HTR3D: variants seen among roughly 807,000 people sequenced by gnomAD.
The protein encoded by HTR3D is 5-hydroxytryptamine receptor 3D, also known as 5-hydroxytryptamine (serotonin) receptor 3 family member D.
A neutral mutation model predicts 45.8 loss-of-function variants in HTR3D; 47 were observed. The ratio of observed to expected loss-of-function variants is 1.03; its 90% confidence interval spans 0.81 to 1.31. The LOEUF (loss-of-function observed/expected upper bound fraction) is 1.31, where lower values mean the gene tolerates loss of function less well. Ranked by LOEUF, HTR3D falls within the 50% of genes most tolerant of loss-of-function variation. The pLI is 0.00. For synonymous variants in HTR3D, 203 were observed against 199.8 expected, an observed-to-expected ratio of 1.02 and a Z score of -0.13; for missense variants, 448 against 506.9, an observed-to-expected ratio of 0.88 and a Z score of 1.12.
At chr3:184,036,218 C>A in intron 3 of HTR3D, 118 bp downstream of exon 3, 1 of 1,482,522 alleles carries the variant, frequency 6.7e-7, no homozygotes. Flanking sequence ...AATTGAAGAG[C>A]TTACAAACCC....
At chr3:184,034,123 A>T (rs1722819862) in intron 1 of HTR3D, among the ~76,000 whole-genome samples, 1 of 151,974 alleles carries the variant, frequency 6.6e-6, no homozygotes, top group African/African-American at 2.4e-5. Flanking sequence ...TACCCGAAAA[A>T]AGTGAAAACG....
chr3:184,034,995 C>T (rs1033918107), intron 1 of HTR3D, 183 bp from the exon 2 acceptor site: 1 of 1,366,896 alleles, frequency 7.3e-7, no homozygotes, highest in African/African-American at 1.5e-5. Flanking sequence ...GACCTTCATA[C>T]TGTGTTTTTC....
intron 1 of HTR3D, 23 bp from the exon 2 acceptor site, chr3:184,035,155 C>T (rs1722850353): frequency 1.3e-6 from 2 of 1,551,690 alleles, no homozygotes; most frequent in African/African-American, 2.7e-5. Context: ...AGTTAATCAT[C>T]TAGATGAAAG....
At position 184,038,698 on chromosome 3, in the gene HTR3D, C is replaced by T; in HGVS notation, c.986-48C>T. ...TGCCTCCTTCCCTGTCTCCCTCCCT[C>T]CACAGGTGACATTTGCAGCCCATGG... is the stretch of plus-strand genomic sequence containing the variant. On this transcript the variant is annotated intron_variant, in intron 7 of 7. Transcript: ENST00000428798. The surrounding 1 kb of genome is among the most constrained non-coding windows in gnomAD (Gnocchi z 4.5). 6.4e-7 allele frequency: 1 copy of T among 1,560,242 alleles called. No homozygotes were observed.
At chr3:184,035,788 C>T (rs1248838823) in intron 2 of HTR3D, among the ~76,000 whole-genome samples, 4 of 151,874 alleles carry the variant, frequency 2.6e-5, no homozygotes, top group East Asian at 3.9e-4. Context: ...TGGGTTCAAG[C>T]GATTTTCCTG....
At chr3:184,031,928 T>TG in intron 1 of HTR3D, 121 bp downstream of exon 1, 1 of 695,628 alleles carries the variant, frequency 1.4e-6, no homozygotes, top group South Asian at 1.6e-5. Context: ...GTAAAAATGA[T>TG]GCTCGTGACA....
At chr3:184,032,728 C>A in intron 1 of HTR3D, 1 of 813,556 alleles carries the variant, frequency 1.2e-6, no homozygotes, top group South Asian at 1.7e-5. Context: ...TGACTCAGCT[C>A]ACCTCATCAG....
rs765165056 is a variant in HTR3D, at chr3:184,038,942, C to T, written c.1182C>T (p.Ser394=). 1.5e-5 allele frequency: 24 copies of T among 1,614,162 alleles called. No individual in the cohort carries two copies. The Middle Eastern group carries it at 6.6e-4, about 44-fold the overall frequency. The change falls in exon 8 of 8, where the codon TCC becomes TCT. Residue 394 remains serine, a synonymous_variant. Coordinates refer to ENST00000428798, the MANE Select transcript of HTR3D (RefSeq NM_001145143.1). This position sits in a 1 kb window ranked among gnomAD's most constrained non-coding sequence, Gnocchi z 4.5. Reference sequence around the variant, plus strand: ...TCTACCTGCTCTTCATGGCCTCCTCCATCATCACCGTCATATGCCTCTGGA... The same window carrying T: ...TCTACCTGCTCTTCATGGCCTCCTCTATCATCACCGTCATATGCCTCTGGA... ...FRLYLLFMAS[S]IITVICLWNT
intron 4 of HTR3D, 39 bp from the exon 5 acceptor site, chr3:184,036,709 C>G: frequency 1.9e-6 from 3 of 1,552,862 alleles, no homozygotes; most frequent in Non-Finnish European, 2.6e-6. Context: ...TTTGGGGAGG[C>G]TGAGTCTTCT....
intron 5 of HTR3D, 37 bp from the exon 6 acceptor site, chr3:184,037,984 C>G: frequency 6.2e-7 from 1 of 1,605,136 alleles, no homozygotes; most frequent in Non-Finnish European, 8.5e-7. Flanking sequence ...GCCTCCCAGC[C>G]TACTTCTCAC....
chr3:184,035,357 T>C (rs1428065700), intron 2 of HTR3D, 135 bp downstream of exon 2: 2 of 812,458 alleles, frequency 2.5e-6, no homozygotes, highest in East Asian at 2.7e-5. Context: ...AGACCAATAA[T>C]GAAAATACAA....
rs771643163 is a variant in HTR3D at position 184,038,033 on chromosome 3, C to CACA, written c.529_530insACA (p.Arg177delinsHisSer). ...TCCTCCCCACCAGGTGGCCATCAGG[C>CACA]GCAGGTGCAGGCCCAGCCCCTACGT... On this transcript the variant is annotated protein_altering_variant, in exon 6 of 8. Coordinates refer to ENST00000428798, the MANE Select transcript of HTR3D (RefSeq NM_001145143.1). This position sits in a 1 kb window ranked among gnomAD's most constrained non-coding sequence, Gnocchi z 4.5. 20 of 1,613,926 alleles carry CACA rather than the reference C, an allele frequency of 1.2e-5. No individual in the cohort carries two copies. The East Asian group carries it at 4.0e-4, about 32-fold the overall frequency.
chr3:184,036,306 AAAG>A, intron 3 of HTR3D, 66 bp from the exon 4 acceptor site: 1 of 1,577,796 alleles, frequency 6.3e-7, no homozygotes, highest in Non-Finnish European at 8.6e-7. Context: ...CCTGACAGAG[AAAG>A]AAGGCCAAGT....
chr3:184,034,672 T>C (rs1722834385), intron 1 of HTR3D, among the ~76,000 whole-genome samples: 1 of 152,064 alleles, frequency 6.6e-6, no homozygotes, highest in Non-Finnish European at 1.5e-5. Flanking sequence ...ATACAAAAAG[T>C]TAGCTGGGCG....
chr3:184,036,040 T>A lies in HTR3D; in HGVS notation c.137T>A (p.Ile46Asn), dbSNP rs1229100220. The A allele has an allele frequency of 6.4e-7, 1 of 1,551,558 alleles. No homozygotes were observed. The highest frequency in any genetic ancestry group is 2.4e-5 in the East Asian group (1 of 40,904). ...TGGAACCCAGATGAATGCGGAGGCA[T>A]CAAGAAGTCCGGCATGGCAACTGAG... ...NMWNPDECGG[I>N]KKSGMATENL... Residue 46 changes from isoleucine to asparagine, a missense_variant, in exon 3 of 8, where the codon ATC becomes AAC. By Grantham distance (149) the Ile-to-Asn change is moderately radical (BLOSUM62 -3). Transcript: ENST00000428798.
rs940672857 is a variant in HTR3D, at chr3:184,035,303, A to C, written c.111+81A>C. Reference sequence around the variant, plus strand: ...TCCTAGGTCCAGCTTTGCAGATTATATTGGTTAAAGCTGAGAATATCCATA... The same window carrying C: ...TCCTAGGTCCAGCTTTGCAGATTATCTTGGTTAAAGCTGAGAATATCCATA... On this transcript the variant is annotated intron_variant, in intron 2 of 7. Transcript: ENST00000428798. 3.3e-5 allele frequency: 40 copies of C among 1,200,886 alleles called. No homozygotes were observed. In the African/African-American group the frequency reaches 5.8e-4, roughly 17 times the overall value. 74.4% of individuals were successfully genotyped at this position (1,200,886 alleles called of 1,614,324 possible). A position where few individuals can be genotyped will look rare whatever the true frequency, so the allele number is the denominator to read the frequency against.
At chr3:184,033,045 C>G in intron 1 of HTR3D, 1 of 1,551,618 alleles carries the variant, frequency 6.4e-7, no homozygotes, top group East Asian at 2.4e-5. Flanking sequence ...TTCACCTTGT[C>G]TGCCATCTGG....
intron 5 of HTR3D, among the ~76,000 whole-genome samples, chr3:184,037,543 TAGAA>T (rs1167581691): frequency 2.0e-5 from 3 of 152,142 alleles, no homozygotes; most frequent in Non-Finnish European, 4.4e-5. Context: ...AAAGATATGG[TAGAA>T]AGAGTTAGGA....
intron 5 of HTR3D, 58 bp from the exon 6 acceptor site, chr3:184,037,963 C>A (rs908361200): frequency 1.9e-6 from 3 of 1,586,302 alleles, no homozygotes; most frequent in Non-Finnish European, 2.6e-6. Context: ...TTACTCTTAC[C>A]TGTCTTGACA....
Sources: gnomAD v4.1 joint callset for allele counts (sites outside exome capture counted in the v4.1 genomes callset) on GRCh38, gnomAD v4.1.1 for gene constraint, Gnocchi (gnomAD v3.1) non-coding constraint, MANE v1.5 for transcripts, NCBI Gene and HGNC (gene_info 2026-07-23, HGNC 2026-07-21) for gene names.